The following CLVS1 variants were observed in gnomAD, a reference collection of about 807,000 sequenced individuals.
CLVS1 encodes the protein clavesin-1.
CLVS1 carries 10 observed loss-of-function variants against 33.1 expected under a neutral mutation model. The observed-to-expected ratio is 0.30, with a 90% CI of 0.19 to 0.51. CLVS1 has a LOEUF of 0.51. Among genes scored for constraint, CLVS1 ranks in the 20% least tolerant of loss-of-function variants. The probability of loss-of-function intolerance (pLI) is 0.97; values close to 1 mark genes in which losing one functional copy is unlikely to be tolerated. For missense variants in CLVS1, 343 were observed against 433.4 expected (o/e 0.79, Z 1.85); for synonymous variants, 163 against 166.1 (o/e 0.98, Z 0.14).
intron 2 of CLVS1, among the ~76,000 whole-genome samples, chr8:61,181,720 G>GTTTTTTTTT: frequency 8.2e-6 from 1 of 121,796 alleles, no homozygotes; most frequent in Non-Finnish European, 1.7e-5. Context: ...TTTTTTTTGA[G>GTTTTTTTTT]ATGGAGTCTC....
chr8:61,063,313 A>G (rs1360192085), intron 1 of CLVS1, among the ~76,000 whole-genome samples: 3 of 104,148 alleles, frequency 2.9e-5, no homozygotes, highest in Non-Finnish European at 6.0e-5. Context: ...GAGAGAGAAC[A>G]GTCATTTTCC....
At chr8:61,493,487 C>T (rs932380950) in intron 5 of CLVS1, among the ~76,000 whole-genome samples, 21 of 152,230 alleles carry the variant, frequency 1.4e-4, no homozygotes, top group Non-Finnish European at 2.9e-5. Context: ...CCAGCACCCA[C>T]GATGTGGCCA....
chr8:61,013,734 C>T, the CLVS1 span, among the ~76,000 whole-genome samples: 1 of 152,196 alleles, frequency 6.6e-6, no homozygotes, highest in Admixed American at 6.5e-5. Flanking sequence ...ACATGCTGGT[C>T]CATGGATTTC....
chr8:61,218,899 G>A (rs766830468), intron 2 of CLVS1, among the ~76,000 whole-genome samples: 16 of 152,154 alleles, frequency 1.1e-4, no homozygotes, highest in South Asian at 1.0e-3. Flanking sequence ...AGCTGAGATC[G>A]TGCCATTGCA....
chr8:61,272,384 C>A (rs974407456), intron 2 of CLVS1, among the ~76,000 whole-genome samples: 8 of 152,150 alleles, frequency 5.3e-5, no homozygotes, highest in African/African-American at 1.7e-4. Flanking sequence ...GATGGGCTTC[C>A]CTTTGAGGGT....
the CLVS1 span, among the ~76,000 whole-genome samples, chr8:61,036,071 T>G: frequency 6.6e-6 from 1 of 152,172 alleles, no homozygotes; most frequent in Non-Finnish European, 1.5e-5. Context: ...TACACCACAC[T>G]TACATTCTGG....
At position 61,442,954 on chromosome 8, in the gene CLVS1, T is replaced by C. The variant is rs532969903; in HGVS notation, c.631-11187T>C. Among the ~76,000 whole-genome samples, 18 of 152,318 alleles carry C rather than the reference T, an allele frequency of 1.2e-4. No homozygotes were observed. The South Asian group carries it at 2.5e-3, about 21-fold the overall frequency. On this transcript the variant is annotated intron_variant, in intron 3 of 5. Coordinates refer to ENST00000325897, the MANE Select transcript of CLVS1 (RefSeq NM_173519.3). ...GATGGATTTGTAGTGTGATATCTCA[T>C]TGTGGTTTTAACTTGCCTTTCACTA...
the CLVS1 span, among the ~76,000 whole-genome samples, chr8:61,027,058 A>T: frequency 6.6e-6 from 1 of 152,200 alleles, no homozygotes; most frequent in Non-Finnish European, 1.5e-5. Flanking sequence ...ATGGTGACAG[A>T]CTTAAGTAAA....
intron 3 of CLVS1, among the ~76,000 whole-genome samples, chr8:61,401,528 C>A (rs1814753089): frequency 6.6e-6 from 1 of 152,158 alleles, no homozygotes. Context: ...TCAAGGTGAA[C>A]TACAAACCAC....
chr8:61,251,208 G>A (rs1388037170), intron 2 of CLVS1, among the ~76,000 whole-genome samples: 2 of 152,132 alleles, frequency 1.3e-5, no homozygotes, highest in Non-Finnish European at 1.5e-5. Flanking sequence ...TTTATGTGAT[G>A]GGTTATGTTT....
intron 3 of CLVS1, among the ~76,000 whole-genome samples, chr8:61,447,671 T>C (rs939186772): frequency 5.3e-5 from 8 of 152,048 alleles, no homozygotes; most frequent in Non-Finnish European, 7.4e-5. Context: ...TCCTCACTAA[T>C]TTATAATATA....
chr8:61,479,801 A>G (rs188168514), intron 5 of CLVS1, among the ~76,000 whole-genome samples: 584 of 152,264 alleles, frequency 3.8e-3, no homozygotes, highest in Non-Finnish European at 7.2e-3. Flanking sequence ...TCCTTCTAAC[A>G]GTCAGGACCC....
chr8:61,436,676 C>A (rs936894898), intron 3 of CLVS1, among the ~76,000 whole-genome samples: 4 of 152,138 alleles, frequency 2.6e-5, no homozygotes, highest in Non-Finnish European at 5.9e-5. Flanking sequence ...CTGGCAAGAC[C>A]AAGGGCTCAG....
chr8:61,274,240 T>G (rs1388763723), intron 2 of CLVS1, among the ~76,000 whole-genome samples: 1 of 152,186 alleles, frequency 6.6e-6, no homozygotes, highest in Non-Finnish European at 1.5e-5. Flanking sequence ...GCTGTAATAT[T>G]CATTCTTTCA....
chr8:61,498,174 C>T (rs905833251), intron 5 of CLVS1, among the ~76,000 whole-genome samples: 2 of 152,188 alleles, frequency 1.3e-5, no homozygotes, highest in African/African-American at 4.8e-5. Context: ...ACCTCTGACA[C>T]TCTTACTGCC....
chr8:61,434,186 A>G (rs73685027), intron 3 of CLVS1, among the ~76,000 whole-genome samples: 2,181 of 152,326 alleles, frequency 0.014, 62 homozygotes, highest in African/African-American at 0.05. Context: ...CAAGGTCCCC[A>G]GACCCAAATT....
At chr8:61,223,950 CT>C (rs1432438285) in intron 2 of CLVS1, among the ~76,000 whole-genome samples, 1 of 145,174 alleles carries the variant, frequency 6.9e-6, no homozygotes, top group Non-Finnish European at 1.5e-5. Context: ...CTTTGTTCTG[CT>C]TGGTTGATTT....
intron 2 of CLVS1, among the ~76,000 whole-genome samples, chr8:61,265,534 G>A (rs1455584851): frequency 6.6e-6 from 1 of 152,184 alleles, no homozygotes; most frequent in African/African-American, 2.4e-5. Flanking sequence ...AATTCTATGA[G>A]AGGCTTGTTG....
chr8:61,456,487 C>T lies in CLVS1; in HGVS notation c.742-1820C>T, dbSNP rs142891704. The stretch of plus-strand genomic sequence containing the variant: ...TTTTGATATACTTTCTGAAGTTCTC[C>T]AGTAGTTTTCTGAAGAATTAGCACT... On this transcript the variant is annotated intron_variant, in intron 4 of 5. Coordinates refer to ENST00000325897, the MANE Select transcript of CLVS1 (RefSeq NM_173519.3). 5.0e-3 allele frequency among the ~76,000 whole-genome samples: 767 copies of T among 152,240 alleles called. 4 individuals are homozygous for T. The highest frequency in any genetic ancestry group is 0.017 in the African/African-American group (716 of 41,530).
Sources: allele counts gnomAD v4.1 joint callset (sites outside exome capture counted in the v4.1 genomes callset), GRCh38; gene constraint gnomAD v4.1.1; transcripts MANE v1.5; gene names NCBI Gene and HGNC (gene_info 2026-07-23, HGNC 2026-07-21).